GAPVD1: variants seen among roughly 807,000 people sequenced by gnomAD.
GAPVD1 encodes GTPase activating protein and VPS9 domains 1.
GAPVD1 carries 35 observed loss-of-function variants against 155.5 expected under a neutral mutation model. The ratio of observed to expected loss-of-function variants is 0.23; its 90% CI spans 0.17 to 0.30. GAPVD1 has a LOEUF of 0.30. Ranked by LOEUF, GAPVD1 falls within the 10% of genes least tolerant of loss-of-function variation. The pLI is 1.00. For missense variants in GAPVD1, 1,429 were observed against 1,775.7 expected (o/e 0.80, Z 3.51); for synonymous variants, 636 against 619.7 (o/e 1.03, Z -0.39).
chr9:125,279,227 ACAGT>A (rs1416758356), intron 2 of GAPVD1, among the ~76,000 whole-genome samples: 1 of 150,908 alleles, frequency 6.6e-6, no homozygotes, highest in Non-Finnish European at 1.5e-5. Context: ...AAAAAAAAAG[ACAGT>A]CATGTACTCT....
rs1316427311 is a variant in GAPVD1 at position 125,321,494 on chromosome 9, T to G, written c.1664T>G (p.Leu555Arg). Residue 555 changes from leucine to arginine, a missense_variant, in exon 10 of 28, where the codon CTC becomes CGC. Leu to Arg is a moderately radical substitution (Grantham distance 102, BLOSUM62 -2). Transcript: ENST00000297933. Reference sequence around the variant, plus strand: ...GATGTCCCTGTTGATGAAAACAAACTCCATGGTAAACCTGATAAAACCTTG... The same window carrying G: ...GATGTCCCTGTTGATGAAAACAAACGCCATGGTAAACCTGATAAAACCTTG... ...QGDVPVDENKLHGKPDKTLRF... is the reference protein window; with the variant it reads ...QGDVPVDENKRHGKPDKTLRF... The G allele has an allele frequency of 6.2e-7, 1 of 1,613,070 alleles. No individual in the cohort carries two copies.
intron 1 of GAPVD1, among the ~76,000 whole-genome samples, chr9:125,265,129 G>A (rs937620546): frequency 6.6e-6 from 1 of 152,186 alleles, no homozygotes; most frequent in Admixed American, 6.6e-5. Context: ...CTGCCATATA[G>A]GTTTGATTAT....
intron 9 of GAPVD1, among the ~76,000 whole-genome samples, chr9:125,317,382 C>T (rs1456081460): frequency 7.3e-5 from 11 of 150,918 alleles, no homozygotes; most frequent in Admixed American, 4.6e-4. Context: ...TCCCAGCACT[C>T]TGGGAGGCTG....
intron 6 of GAPVD1, among the ~76,000 whole-genome samples, chr9:125,306,982 T>A (rs764550139): frequency 6.6e-6 from 1 of 151,814 alleles, no homozygotes; most frequent in Non-Finnish European, 1.5e-5. Flanking sequence ...ATACAAAAAT[T>A]AGGTCAGGCG....
At chr9:125,262,014 G>T (rs1832990775) in intron 1 of GAPVD1, 55 bp downstream of exon 1, 1 of 152,628 alleles carries the variant, frequency 6.6e-6, no homozygotes, top group African/African-American at 2.4e-5. Flanking sequence ...CTGCCTCGCG[G>T]CCGGGTTGCT....
At chr9:125,360,131 C>T (rs762318343) in intron 26 of GAPVD1, among the ~76,000 whole-genome samples, 13 of 152,080 alleles carry the variant, frequency 8.5e-5, no homozygotes, top group Admixed American at 5.9e-4. Flanking sequence ...AAATCTAGTT[C>T]CTGTGTAGAG....
intron 2 of GAPVD1, among the ~76,000 whole-genome samples, chr9:125,293,850 TTTTATATATATA>T (rs1839169724): frequency 2.8e-4 from 12 of 42,866 alleles, no homozygotes; most frequent in African/African-American, 1.2e-3. Context: ...TAAAAATATA[TTTTATATATATA>T]TATATATATA....
chr9:125,306,234 G>A (rs2131026281), intron 6 of GAPVD1, among the ~76,000 whole-genome samples: 1 of 152,064 alleles, frequency 6.6e-6, no homozygotes, highest in South Asian at 2.1e-4. Flanking sequence ...CGTGATCTCG[G>A]CTCACTGTTA....
chr9:125,362,819 C>CT lies in GAPVD1; in HGVS notation c.*76dup. ...GATCTCTGAGAAGGTGCATCAGCTG[C>CT]TTTGAAGGCTGAAGATTGTTTTGTA... On this transcript the variant is annotated 3_prime_UTR_variant, in exon 28 of 28. Transcript: ENST00000297933. The CT allele has an allele frequency of 7.3e-7, 1 of 1,369,340 alleles. No individual in the cohort carries two copies. Among genetic ancestry groups the CT allele is most frequent in the Non-Finnish European group, 1.0e-6 (1 of 984,896 alleles). 84.8% of individuals were successfully genotyped at this position (1,369,340 alleles called of 1,614,324 possible).
rs377723122 is a variant in GAPVD1, at chr9:125,354,634, C to T, written c.3570-20C>T. 8.8e-5 allele frequency: 137 copies of T among 1,556,842 alleles called. No homozygotes were observed. Among genetic ancestry groups the T allele is most frequent in the Non-Finnish European group, 1.2e-4 (136 of 1,129,746 alleles). Reference sequence around the variant, plus strand: ...TGCACTGAATATATCTGATGTCATGCAAAGTATTTTTCCTTTTAGAAAAAG... The same window carrying T: ...TGCACTGAATATATCTGATGTCATGTAAAGTATTTTTCCTTTTAGAAAAAG... On this transcript the variant is annotated intron_variant, in intron 23 of 27. Coordinates refer to ENST00000297933, the MANE Select transcript of GAPVD1 (RefSeq NM_001282680.3).
intron 2 of GAPVD1, among the ~76,000 whole-genome samples, chr9:125,291,021 A>T (rs888114477): frequency 1.3e-5 from 2 of 149,844 alleles, no homozygotes; most frequent in Admixed American, 6.7e-5. Context: ...AAGACTGGGC[A>T]TAATGGCTTC....
At chr9:125,318,852 C>T (rs574857359) in intron 9 of GAPVD1, among the ~76,000 whole-genome samples, 20 of 152,052 alleles carry the variant, frequency 1.3e-4, no homozygotes, top group Admixed American at 8.5e-4. Context: ...ACTTCAAGAC[C>T]AGCCTGGGCA....
intron 10 of GAPVD1, 26 bp from the exon 11 acceptor site, chr9:125,323,772 T>G (rs750359976): frequency 5.0e-6 from 8 of 1,612,392 alleles, no homozygotes; most frequent in African/African-American, 1.3e-5. Flanking sequence ...TTAAAAAGAT[T>G]GCTCACACTA....
In GAPVD1 at chr9:125,350,848, T is replaced by A. The variant is rs767368183; in HGVS notation, c.3545T>A (p.Leu1182Gln). Reference sequence around the variant, plus strand: ...GATAATAGGACTTGTAGGAAACTGCTGGCTTCGATTGCTGAGGACTACAGG... The same window carrying A: ...GATAATAGGACTTGTAGGAAACTGCAGGCTTCGATTGCTGAGGACTACAGG... Reference protein sequence around the residue: ...RFDNRTCRKLLASIAEDYRKR... With the variant: ...RFDNRTCRKLQASIAEDYRKR... Residue 1182 changes from leucine to glutamine, a missense_variant, in exon 23 of 28, where the codon CTG becomes CAG. Transcript: ENST00000297933. 1.9e-6 allele frequency: 3 copies of A among 1,613,876 alleles called. No homozygotes were observed. Among genetic ancestry groups the A allele is most frequent in the Non-Finnish European group, 2.5e-6 (3 of 1,179,888 alleles).
chr9:125,293,656 T>TA (rs1839010506), intron 2 of GAPVD1, among the ~76,000 whole-genome samples: 3 of 126,726 alleles, frequency 2.4e-5, no homozygotes, highest in African/African-American at 9.2e-5. Flanking sequence ...AAAATATATA[T>TA]ATTATATATA....
intron 5 of GAPVD1, among the ~76,000 whole-genome samples, chr9:125,303,716 C>T (rs772226769): frequency 6.1e-4 from 90 of 147,432 alleles, no homozygotes; most frequent in Non-Finnish European, 9.0e-4. Context: ...ACAGAGGTTG[C>T]GATGAGCTGA....
In GAPVD1 at chr9:125,286,809, C is replaced by T. The variant is rs1049729986; in HGVS notation, c.-149-8649C>T. 2.0e-5 allele frequency among the ~76,000 whole-genome samples: 3 copies of T among 152,166 alleles called. No individual in the cohort carries two copies. In the East Asian group the frequency reaches 5.8e-4, roughly 29 times the overall value. On this transcript the variant is annotated intron_variant, in intron 2 of 27. Coordinates refer to ENST00000297933, the MANE Select transcript of GAPVD1 (RefSeq NM_001282680.3). ...TGGTGGTATCAAAAGTTTCACCGGG[C>T]TCGGTGGCTCACGCCTGTAATCCTA...
intron 9 of GAPVD1, among the ~76,000 whole-genome samples, chr9:125,318,783 C>T (rs565860154): frequency 6.6e-6 from 1 of 151,978 alleles, no homozygotes; most frequent in East Asian, 1.9e-4. Flanking sequence ...GGGATGGTGG[C>T]TCACACCTGT....
chr9:125,329,685 T>C (rs1301754451), intron 12 of GAPVD1, among the ~76,000 whole-genome samples: 1 of 151,896 alleles, frequency 6.6e-6, no homozygotes, highest in Non-Finnish European at 1.5e-5. Flanking sequence ...GCCATTTTTA[T>C]TTTTGAGACA....
Sources: allele counts gnomAD v4.1 joint callset (sites outside exome capture counted in the v4.1 genomes callset), GRCh38; gene constraint gnomAD v4.1.1; transcripts MANE v1.5; gene names NCBI Gene and HGNC (gene_info 2026-07-23, HGNC 2026-07-21).